Variants in EYS observed in about 807,000 individuals in gnomAD.
The protein encoded by EYS is EGF-like photoreceptor maintenance factor, also known as protein eyes shut homolog.
In EYS, 250 loss-of-function variants were observed where a neutral mutation model predicts 282.1. That is an observed-to-expected ratio of 0.89 (90% CI 0.80 to 0.98). EYS has a LOEUF of 0.98. Among genes scored for constraint, EYS ranks in the 50% least tolerant of loss-of-function variants. The pLI is 0.00. For synonymous variants in EYS, 1,355 were observed against 1,282.9 expected (o/e 1.06, Z -1.20); for missense variants, 4,016 against 3,709.0 (o/e 1.08, Z -2.15).
At chr6:65,193,472 A>G (rs988458082) in intron 12 of EYS, among the ~76,000 whole-genome samples, 1 of 151,868 alleles carries the variant, frequency 6.6e-6, no homozygotes. Context: ...ACAGGGCCAG[A>G]GAAAGATAAA....
At chr6:64,656,474 C>A (rs1223224975) in intron 22 of EYS, among the ~76,000 whole-genome samples, 2 of 152,028 alleles carry the variant, frequency 1.3e-5, no homozygotes, top group Non-Finnish European at 2.9e-5. Context: ...AGAAACAGAC[C>A]TTGAGCAAAA....
At position 65,704,050 on chromosome 6, in the gene EYS, CA is replaced by C. The variant is rs376818195; in HGVS notation, c.-448+3084del. Among the ~76,000 whole-genome samples, 594 of 152,172 alleles carry C rather than the reference CA, an allele frequency of 3.9e-3. 4 individuals are homozygous for C. Among genetic ancestry groups the C allele is most frequent in the African/African-American group, 0.014 (562 of 41,524 alleles). ...AGCAATATTAGGCAGAGTCTTCAAG[CA>C]GATTCTAAGGAGGAGTAAACGCTGA... is the stretch of plus-strand genomic sequence containing the variant. On this transcript the variant is annotated intron_variant, in intron 1 of 42. Coordinates refer to ENST00000503581, the MANE Select transcript of EYS (RefSeq NM_001142800.2).
At chr6:64,755,369 T>C (rs1399774753) in intron 22 of EYS, among the ~76,000 whole-genome samples, 1 of 152,098 alleles carries the variant, frequency 6.6e-6, no homozygotes. Context: ...AGATTCAGTG[T>C]AATTCCTCTC....
intron 10 of EYS, among the ~76,000 whole-genome samples, chr6:65,341,733 C>T (rs1236532102): frequency 6.6e-6 from 1 of 151,194 alleles, no homozygotes; most frequent in African/African-American, 2.4e-5. Context: ...TTAAGCATCT[C>T]CAATGCTGTG....
chr6:64,758,457 T>C (rs963947774), intron 22 of EYS, among the ~76,000 whole-genome samples: 1 of 152,138 alleles, frequency 6.6e-6, no homozygotes, highest in Non-Finnish European at 1.5e-5. Flanking sequence ...ATTAGAGACA[T>C]GACTAGACTC....
rs201120695 is a variant in EYS at position 64,573,668 on chromosome 6, GA to G, written c.5644+16554del. Among the ~76,000 whole-genome samples the G allele has an allele frequency of 1.2e-3, 186 of 151,882 alleles. 1 individual carries two copies. Among genetic ancestry groups the G allele is most frequent in the Middle Eastern group, 6.8e-3 (2 of 292 alleles). On this transcript the variant is annotated intron_variant, in intron 26 of 42. Transcript: ENST00000503581. ...ACATTTATGCAGGCAACAAACATAT[GA>G]AAAAAAAGCTCATCATCAGTGGTCA... is the stretch of plus-strand genomic sequence containing the variant.
chr6:64,269,512 C>T (rs2150356686), intron 30 of EYS, among the ~76,000 whole-genome samples: 1 of 151,976 alleles, frequency 6.6e-6, no homozygotes, highest in African/African-American at 2.4e-5. Context: ...AACCAACCGA[C>T]TATTTCACAA....
Position 65,575,289 on chromosome 6 carries a change from T to C in EYS, c.-333+64489A>G, listed in dbSNP as rs958854225. ...GTGCAGTGAGCTGAGATCATGCCAC[T>C]GCACTCCAGCCTGGGTGACAGAGTG... On this transcript the variant is annotated intron_variant, in intron 2 of 42. Coordinates refer to ENST00000503581, the MANE Select transcript of EYS (RefSeq NM_001142800.2). Among the ~76,000 whole-genome samples, 14 of 151,792 alleles carry C rather than the reference T, an allele frequency of 9.2e-5. 1 individual carries two copies. The Middle Eastern group carries it at 0.014, about 148-fold the overall frequency.
chr6:63,912,744 A>T (rs1399816301), intron 35 of EYS, among the ~76,000 whole-genome samples: 1 of 152,214 alleles, frequency 6.6e-6, no homozygotes, highest in African/African-American at 2.4e-5. Flanking sequence ...GAGAGTTCTC[A>T]TGAGATCTGG....
intron 32 of EYS, among the ~76,000 whole-genome samples, chr6:64,071,814 CAAAT>C (rs893157663): frequency 1.6e-4 from 24 of 151,426 alleles, no homozygotes; most frequent in African/African-American, 5.1e-4. Context: ...CATATCCAAA[CAAAT>C]AAAACCAAAA....
intron 5 of EYS, among the ~76,000 whole-genome samples, chr6:65,459,437 C>T (rs9453308): frequency 0.11 from 16,367 of 151,646 alleles, 1,349 homozygotes; most frequent in African/African-American, 0.22. Context: ...AAGTGTGAAA[C>T]AAAATGACTA....
chr6:64,748,898 G>A (rs1376961491), intron 22 of EYS, among the ~76,000 whole-genome samples: 6 of 152,264 alleles, frequency 3.9e-5, no homozygotes, highest in African/African-American at 1.2e-4. Context: ...CCAGCCTCCC[G>A]AGTAGCTGGG....
At chr6:64,440,727 A>G (rs897640972) in intron 26 of EYS, among the ~76,000 whole-genome samples, 1 of 152,168 alleles carries the variant, frequency 6.6e-6, no homozygotes, top group African/African-American at 2.4e-5. Context: ...AAAGTCATGT[A>G]TCAGTTTGAT....
intron 31 of EYS, among the ~76,000 whole-genome samples, chr6:64,112,580 T>C (rs1300226594): frequency 6.6e-6 from 1 of 151,834 alleles, no homozygotes; most frequent in South Asian, 2.1e-4. Context: ...CACAACATTA[T>C]ACATTGACAA....
rs992110767 is a variant in EYS at position 65,665,790 on chromosome 6, T to C, written c.-447-25898A>G. ...AACAACCACCAGAACTAAATTTACA[T>C]AACCATGATAAATAAATCTCTAAAT... On this transcript the variant is annotated intron_variant, in intron 1 of 42. Coordinates refer to ENST00000503581, the MANE Select transcript of EYS (RefSeq NM_001142800.2). Among the ~76,000 whole-genome samples the C allele has an allele frequency of 2.6e-5, 4 of 152,164 alleles. No homozygotes were observed. The South Asian group carries it at 6.2e-4, about 24-fold the overall frequency.
intron 12 of EYS, among the ~76,000 whole-genome samples, chr6:65,173,799 T>C (rs572328060): frequency 3.3e-5 from 5 of 151,354 alleles, no homozygotes; most frequent in African/African-American, 9.6e-5. Flanking sequence ...CATTCTGGAA[T>C]TGATTACCTT....
intron 29 of EYS, among the ~76,000 whole-genome samples, chr6:64,310,715 G>A (rs1251272969): frequency 6.6e-6 from 1 of 151,984 alleles, no homozygotes; most frequent in East Asian, 1.9e-4. Flanking sequence ...ACCTGCACAT[G>A]TTCTCCTGAA....
At chr6:64,081,739 C>G (rs1771976218) in intron 32 of EYS, 117 bp downstream of exon 32, 1 of 811,802 alleles carries the variant, frequency 1.2e-6, no homozygotes, top group Admixed American at 3.4e-5. Flanking sequence ...GGTAATGCTT[C>G]ATGCACTGGT....
chr6:64,020,939 A>C (rs1173789530), intron 33 of EYS, among the ~76,000 whole-genome samples: 2 of 152,212 alleles, frequency 1.3e-5, no homozygotes, highest in Admixed American at 6.5e-5. Flanking sequence ...TGGGAATCCA[A>C]GAATTATGAT....
Sources: gnomAD v4.1 joint callset for allele counts (sites outside exome capture counted in the v4.1 genomes callset) on GRCh38, gnomAD v4.1.1 for gene constraint, MANE v1.5 for transcripts, NCBI Gene and HGNC (gene_info 2026-07-23, HGNC 2026-07-21) for gene names.